Variants in TDG observed in about 807,000 individuals in gnomAD.
TDG encodes thymine DNA glycosylase.
A neutral mutation model predicts 46.1 loss-of-function variants in TDG; 23 were observed. The observed-to-expected ratio is 0.50, with a 90% CI of 0.36 to 0.71. TDG has a LOEUF of 0.71. Among genes scored for constraint, TDG ranks in the 30% least tolerant of loss-of-function variants. The pLI is 0.00. For missense variants in TDG, 304 were observed against 486.7 expected (o/e 0.62, Z 3.53); for synonymous variants, 115 against 161.3 (o/e 0.71, Z 2.18).
At chr12:103,979,359 C>T (rs766339962) in intron 2 of TDG, among the ~76,000 whole-genome samples, 7 of 152,066 alleles carry the variant, frequency 4.6e-5, no homozygotes, top group Non-Finnish European at 8.8e-5. Flanking sequence ...CTGCCTTGGC[C>T]TCCCAAAGTG....
At chr12:103,981,679 A>C (rs568242538) in intron 4 of TDG, among the ~76,000 whole-genome samples, 52 of 152,320 alleles carry the variant, frequency 3.4e-4, no homozygotes, top group Non-Finnish European at 3.1e-4. Flanking sequence ...AGAGCATAAA[A>C]TAGTAGTAAA....
chr12:103,985,060 CATGTGT>C (rs1207387478), intron 8 of TDG, 140 bp downstream of exon 8: 5 of 431,542 alleles, frequency 1.2e-5, no homozygotes, highest in African/African-American at 1.1e-4. Context: ...TGTATATATA[CATGTGT>C]ATATATACAT....
At chr12:103,976,809 C>A in intron 1 of TDG, 109 bp from the exon 2 acceptor site, 1 of 1,321,034 alleles carries the variant, frequency 7.6e-7, no homozygotes, top group African/African-American at 1.5e-5. Context: ...ATACTTCAGT[C>A]TGGTTACAAA....
intron 1 of TDG, among the ~76,000 whole-genome samples, chr12:103,971,170 T>C (rs933534476): frequency 2.3e-4 from 35 of 152,210 alleles, no homozygotes; most frequent in African/African-American, 8.2e-4. Flanking sequence ...CAGTCCCCCA[T>C]GTATGCAAAA....
rs759144222 is a variant in TDG at position 103,984,787 on chromosome 12, T to G, written c.831T>G (p.Ala277=). 6.2e-7 allele frequency: 1 copy of G among 1,612,672 alleles called. No homozygotes were observed. Among genetic ancestry groups the G allele is most frequent in the East Asian group, 2.2e-5 (1 of 44,882 alleles). Residue 277 remains alanine, a synonymous_variant, in exon 8 of 10, where the codon GCT becomes GCG. Transcript: ENST00000392872. ...YVMPSSSARC[A]QFPRAQDKVH... Reference sequence around the variant, plus strand: ...TGCCATCATCCAGTGCAAGATGTGCTCAGTTTCCTCGAGCCCAAGACAAAG... The same window carrying G: ...TGCCATCATCCAGTGCAAGATGTGCGCAGTTTCCTCGAGCCCAAGACAAAG...
chr12:103,988,014 T>TCGA lies in TDG; in HGVS notation c.*924_*925insCGA, dbSNP rs1191848890. The TCGA allele has an allele frequency of 4.6e-4, 70 of 152,814 alleles. No homozygotes were observed. Among genetic ancestry groups the TCGA allele is most frequent in the African/African-American group, 1.6e-3 (65 of 41,588 alleles). 9.5% of individuals were successfully genotyped at this position (152,814 alleles called of 1,614,324 possible). A position where few individuals can be genotyped will look rare whatever the true frequency, so the allele number is the denominator to read the frequency against. ...TGTACTAAAATAAGTAATATAGAAT[T>TCGA]TTTCTTGCTAGGTAAATCCAGTAAG... On this transcript the variant is annotated 3_prime_UTR_variant, in exon 10 of 10. Transcript: ENST00000392872.
chr12:103,975,880 A>T (rs188080121), intron 1 of TDG, among the ~76,000 whole-genome samples: 1 of 144,194 alleles, frequency 6.9e-6, no homozygotes, highest in African/African-American at 2.6e-5. Flanking sequence ...CAGGCTGGTT[A>T]TAAACTCCTG....
chr12:103,978,307 G>C (rs1345197120), intron 2 of TDG, among the ~76,000 whole-genome samples: 1 of 152,094 alleles, frequency 6.6e-6, no homozygotes, highest in Non-Finnish European at 1.5e-5. Context: ...CCAGGTTTCT[G>C]GCATTGGCAT....
Position 103,977,036 on chromosome 12 carries a change from G to T in TDG, c.142G>T (p.Ala48Ser). 1 of 1,613,300 alleles carries T rather than the reference G, an allele frequency of 6.2e-7. No individual in the cohort carries two copies. The highest frequency in any genetic ancestry group is 8.5e-7 in the Non-Finnish European group (1 of 1,179,786). The change falls in exon 2 of 10, where the codon GCT (alanine) becomes TCT (serine). Residue 48 changes from alanine to serine, a missense_variant. Coordinates refer to ENST00000392872, the MANE Select transcript of TDG (RefSeq NM_003211.6). ...AATGCCAGAAGAAGTTCCAGCCCCA[G>T]CTCCTGCTCAGGAACCAGTGCAAGG... ...QQMPEEVPAP[A>S]PAQEPVQEAP...
chr12:103,986,863 C>T (rs369903019), intron 9 of TDG, 85 bp from the exon 10 acceptor site: 22 of 1,465,738 alleles, frequency 1.5e-5, no homozygotes, highest in East Asian at 6.9e-5. Flanking sequence ...CCAGCCTGGG[C>T]GATAGAGTAA....
chr12:103,985,043 G>C, intron 8 of TDG, 123 bp downstream of exon 8: 1 of 641,564 alleles, frequency 1.6e-6, no homozygotes, highest in Non-Finnish European at 2.2e-6. Flanking sequence ...GCACATATAT[G>C]CACACGTGTA....
In TDG at chr12:103,985,788, A is replaced by G. The variant is rs1593519857; in HGVS notation, c.1090+60A>G. ...GACGGTTTGGTCAGGATTGGGGGGA[A>G]AATTTTAATAGAAGGAGAGTAAATT... is the stretch of plus-strand genomic sequence containing the variant. On this transcript the variant is annotated intron_variant, in intron 9 of 9. Coordinates refer to ENST00000392872, the MANE Select transcript of TDG (RefSeq NM_003211.6). 4.3e-6 allele frequency: 6 copies of G among 1,408,934 alleles called. No individual in the cohort carries two copies. The East Asian group carries it at 1.0e-4, about 24-fold the overall frequency. 87.3% of individuals were successfully genotyped at this position (1,408,934 alleles called of 1,614,324 possible).
chr12:103,980,685 C>A, intron 3 of TDG: 1 of 459,706 alleles, frequency 2.2e-6, no homozygotes, highest in Non-Finnish European at 3.8e-6. Flanking sequence ...AAAATAACAG[C>A]AAAACTTTTA....
At chr12:103,977,331 A>G (rs988452638) in intron 2 of TDG, among the ~76,000 whole-genome samples, 4 of 152,216 alleles carry the variant, frequency 2.6e-5, no homozygotes, top group African/African-American at 9.6e-5. Flanking sequence ...CATAGAATGA[A>G]TGCCCTGAAA....
chr12:103,985,080 T>TAC (rs4135124), intron 8 of TDG, among the ~76,000 whole-genome samples, 160 bp downstream of exon 8: 45,842 of 150,634 alleles, frequency 0.3, 8,166 homozygotes, highest in Non-Finnish European at 0.39. Flanking sequence ...TATACATATA[T>TAC]ACACATAAGT....
intron 1 of TDG, among the ~76,000 whole-genome samples, chr12:103,972,802 A>G (rs1373436521): frequency 6.6e-6 from 1 of 152,142 alleles, no homozygotes; most frequent in East Asian, 1.9e-4. Flanking sequence ...TATTCAGCCA[A>G]CTGTGATTTC....
intron 1 of TDG, among the ~76,000 whole-genome samples, chr12:103,971,160 C>T (rs573642159): frequency 1.3e-5 from 2 of 152,282 alleles, no homozygotes; most frequent in African/African-American, 4.8e-5. Context: ...GTTCTACAAC[C>T]AGTCCCCCAT....
rs750681866 is a variant in TDG, at chr12:103,980,966, A to G, written c.478+4A>G. 6.2e-7 allele frequency: 1 copy of G among 1,609,792 alleles called. No individual in the cohort carries two copies. Among genetic ancestry groups the G allele is most frequent in the Non-Finnish European group, 8.5e-7 (1 of 1,178,956 alleles). On this transcript the variant is annotated splice_donor_region_variant and intron_variant, in intron 4 of 9. Transcript: ENST00000392872. ...CCTGGACCTGGAAACCATTTTTGTA[A>G]GTGGTTACCTTTTAAATTAATTTAC... is the stretch of plus-strand genomic sequence containing the variant.
intron 1 of TDG, among the ~76,000 whole-genome samples, chr12:103,974,990 AAAAG>A (rs575876746): frequency 0.068 from 6,004 of 88,662 alleles, 235 homozygotes; most frequent in African/African-American, 0.12. Context: ...AAAAAAAAAA[AAAAG>A]AAAAAGAAAA....
Sources: allele counts gnomAD v4.1 joint callset (sites outside exome capture counted in the v4.1 genomes callset), GRCh38; gene constraint gnomAD v4.1.1; transcripts MANE v1.5; gene names NCBI Gene and HGNC (gene_info 2026-07-23, HGNC 2026-07-21).